Variants in KHDRBS2 observed in about 807,000 individuals in gnomAD.
The protein encoded by KHDRBS2 is KH RNA binding domain containing, signal transduction associated 2, also known as KH domain-containing, RNA-binding, signal transduction-associated protein 2.
In KHDRBS2, 26 loss-of-function variants were observed where a neutral mutation model predicts 44.3. The observed-to-expected ratio is 0.59, with a 90% CI of 0.43 to 0.81. The LOEUF (loss-of-function observed/expected upper bound fraction) is 0.81. KHDRBS2 is among the 40% of genes least tolerant of loss of function. The probability of loss-of-function intolerance (pLI) is 0.00; values close to 1 mark genes in which losing one functional copy is unlikely to be tolerated. For missense variants in KHDRBS2, 476 were observed against 433.1 expected (o/e 1.10, Z -0.88); for synonymous variants, 194 against 151.1 (o/e 1.28, Z -2.08).
Position 61,977,085 on chromosome 6 carries a change from A to C in KHDRBS2, c.483+981T>G, listed in dbSNP as rs182920728. On this transcript the variant is annotated intron_variant, in intron 4 of 8. Transcript: ENST00000281156. ...AGATCTTGATGCTTTTAAATTCTTG[A>C]AATTCTCTGGTTTTATTTTTCTTTT... Among the ~76,000 whole-genome samples the C allele has an allele frequency of 2.0e-5, 3 of 152,210 alleles. No homozygotes were observed. In the East Asian group the frequency reaches 5.8e-4, roughly 29 times the overall value.
intron 3 of KHDRBS2, among the ~76,000 whole-genome samples, chr6:62,018,297 ATATGTGTG>A (rs965443695): frequency 1.1e-4 from 15 of 138,540 alleles, no homozygotes; most frequent in South Asian, 2.4e-4. Flanking sequence ...CTATATATAT[ATATGTGTG>A]TGTGTGTGTG....
chr6:61,566,744 T>C, the KHDRBS2 span, among the ~76,000 whole-genome samples: 1 of 152,170 alleles, frequency 6.6e-6, no homozygotes, highest in Non-Finnish European at 1.5e-5. Context: ...AATCAAACTA[T>C]GTTTTCAATA....
chr6:62,117,129 G>C (rs543034163), intron 2 of KHDRBS2, among the ~76,000 whole-genome samples: 1 of 152,174 alleles, frequency 6.6e-6, no homozygotes, highest in East Asian at 1.9e-4. Flanking sequence ...GAGATTTCTA[G>C]ATCATATGGT....
intron 2 of KHDRBS2, among the ~76,000 whole-genome samples, chr6:62,161,737 A>AT (rs545765779): frequency 3.2e-4 from 48 of 151,048 alleles, no homozygotes; most frequent in African/African-American, 8.7e-4. Context: ...TGTTTAGTTC[A>AT]TTTTTTTTGT....
intron 2 of KHDRBS2, among the ~76,000 whole-genome samples, chr6:62,172,707 A>AAC (rs1443481180): frequency 6.6e-5 from 10 of 150,850 alleles, no homozygotes; most frequent in Non-Finnish European, 1.3e-4. Context: ...TGAAAAAAAA[A>AAC]AAAAAAAAAA....
At chr6:62,070,108 T>G (rs1401173164) in intron 2 of KHDRBS2, among the ~76,000 whole-genome samples, 3 of 151,780 alleles carry the variant, frequency 2.0e-5, no homozygotes, top group African/African-American at 7.2e-5. Context: ...GTATATTACA[T>G]TAATTGATCT....
chr6:61,713,972 G>T (rs1343475579), intron 7 of KHDRBS2, among the ~76,000 whole-genome samples: 2 of 151,592 alleles, frequency 1.3e-5, no homozygotes, highest in East Asian at 3.9e-4. Context: ...ACTCTTCTAC[G>T]CTTTGGTCTA....
chr6:61,652,508 G>A, the KHDRBS2 span, among the ~76,000 whole-genome samples: 4 of 151,864 alleles, frequency 2.6e-5, no homozygotes, highest in Admixed American at 6.6e-5. Context: ...TTTTACATGT[G>A]TATATAGTTA....
At chr6:62,179,911 T>G (rs1821907602) in intron 1 of KHDRBS2, among the ~76,000 whole-genome samples, 1 of 151,870 alleles carries the variant, frequency 6.6e-6, no homozygotes, top group Non-Finnish European at 1.5e-5. Context: ...CTTGTCTTCT[T>G]TGGCATATCT....
At chr6:62,218,056 G>C (rs1374846998) in intron 1 of KHDRBS2, among the ~76,000 whole-genome samples, 3 of 151,796 alleles carry the variant, frequency 2.0e-5, no homozygotes, top group African/African-American at 7.2e-5. Context: ...TTTCACCCTT[G>C]GGGCATCTTG....
At chr6:61,562,810 G>C in the KHDRBS2 span, among the ~76,000 whole-genome samples, 49 of 152,172 alleles carry the variant, frequency 3.2e-4, no homozygotes, top group African/African-American at 1.1e-3. Flanking sequence ...TAACACAGAT[G>C]GTTACTCCAA....
chr6:61,762,915 C>G (rs1292537554), intron 6 of KHDRBS2, among the ~76,000 whole-genome samples: 1 of 152,022 alleles, frequency 6.6e-6, no homozygotes, highest in Non-Finnish European at 1.5e-5. Flanking sequence ...TTGCCTTCCC[C>G]CGACTCAATC....
chr6:61,686,786 CCT>C, intron 8 of KHDRBS2, among the ~76,000 whole-genome samples: 1 of 151,148 alleles, frequency 6.6e-6, no homozygotes, highest in Admixed American at 6.6e-5. Flanking sequence ...TTCTCTTTTT[CCT>C]CTTTTTTTCC....
the KHDRBS2 span, among the ~76,000 whole-genome samples, chr6:61,673,004 A>G: frequency 6.6e-6 from 1 of 151,862 alleles, no homozygotes; most frequent in Non-Finnish European, 1.5e-5. Flanking sequence ...TCTTTAATCC[A>G]TCTTGAATTG....
intron 4 of KHDRBS2, among the ~76,000 whole-genome samples, chr6:61,965,656 T>A (rs1276220722): frequency 6.6e-6 from 1 of 151,832 alleles, no homozygotes; most frequent in African/African-American, 2.4e-5. Context: ...TGTACAGTTA[T>A]TTTTAATTTC....
rs532498288 is a variant in KHDRBS2, at chr6:62,080,854, C to T, written c.220-32860G>A. The stretch of plus-strand genomic sequence containing the variant: ...AACCCTGGCTCCCACCTTGCTGCAT[C>T]TTGGTTTGGCAATATTAGGTTCCTC... On this transcript the variant is annotated intron_variant, in intron 2 of 8. Coordinates refer to ENST00000281156, the MANE Select transcript of KHDRBS2 (RefSeq NM_152688.4). Among the ~76,000 whole-genome samples, 246 of 152,162 alleles carry T rather than the reference C, an allele frequency of 1.6e-3. 1 individual carries two copies. The highest frequency in any genetic ancestry group is 5.8e-3 in the African/African-American group (239 of 41,530).
chr6:61,979,671 T>C (rs1773440439), intron 3 of KHDRBS2, among the ~76,000 whole-genome samples: 1 of 152,160 alleles, frequency 6.6e-6, no homozygotes, highest in African/African-American at 2.4e-5. Flanking sequence ...TTTCAAACTC[T>C]ACCTAGGACT....
chr6:61,949,270 C>A (rs1764251385), intron 4 of KHDRBS2, among the ~76,000 whole-genome samples: 2 of 152,128 alleles, frequency 1.3e-5, no homozygotes, highest in Admixed American at 6.6e-5. Flanking sequence ...GATTCTCAAT[C>A]TGCTTTGAAC....
chr6:61,808,604 G>A (rs750882165), intron 6 of KHDRBS2, among the ~76,000 whole-genome samples: 15 of 152,034 alleles, frequency 9.9e-5, no homozygotes, highest in Non-Finnish European at 1.8e-4. Flanking sequence ...TTTGGAGTGT[G>A]TGCTCATTAA....
Sources: allele counts gnomAD v4.1 joint callset (sites outside exome capture counted in the v4.1 genomes callset), GRCh38; gene constraint gnomAD v4.1.1; transcripts MANE v1.5; gene names NCBI Gene and HGNC (gene_info 2026-07-23, HGNC 2026-07-21).